The following PEX14 variants were observed in gnomAD, a reference collection of about 807,000 sequenced individuals.
PEX14 encodes peroxisomal biogenesis factor 14.
In PEX14, 15 loss-of-function variants were observed where a neutral mutation model predicts 49.5. The ratio of observed to expected loss-of-function variants is 0.30; its 90% CI spans 0.20 to 0.47. PEX14 has a LOEUF of 0.47. PEX14 is among the 20% of genes least tolerant of loss of function. PEX14 has a pLI of 1.00. For missense variants in PEX14, 398 were observed against 494.8 expected, an observed-to-expected ratio of 0.80 and a Z score of 1.86; for synonymous variants, 210 against 212.7, an observed-to-expected ratio of 0.99 and a Z score of 0.11.
At chr1:10,488,508 C>T (rs1182545257) in intron 1 of PEX14, among the ~76,000 whole-genome samples, 1 of 150,510 alleles carries the variant, frequency 6.6e-6, no homozygotes, top group Non-Finnish European at 1.5e-5. Flanking sequence ...ATTCTATTTT[C>T]TTTTTTTTTG....
intron 2 of PEX14, among the ~76,000 whole-genome samples, chr1:10,519,330 G>C (rs192098503): frequency 1.7e-4 from 26 of 152,264 alleles, no homozygotes; most frequent in African/African-American, 6.3e-4. Flanking sequence ...CCATAGCAGA[G>C]GGCAGGGAGT....
rs1222655184 is a variant in PEX14 at position 10,514,347 on chromosome 1, C to T, written c.84+19026C>T. On this transcript the variant is annotated intron_variant, in intron 2 of 8. Transcript: ENST00000356607. This position sits in a 1 kb window ranked among gnomAD's most constrained non-coding sequence, Gnocchi z 4.4. The stretch of plus-strand genomic sequence containing the variant: ...GTGTATGTGCGAGCGCCTGTGTACG[C>T]ACGTGGTCGTCACCCGCCAGAAAGA... Among the ~76,000 whole-genome samples, 1 of 152,112 alleles carries T rather than the reference C, an allele frequency of 6.6e-6. No homozygotes were observed. Among genetic ancestry groups the T allele is most frequent in the African/African-American group, 2.4e-5 (1 of 41,422 alleles).
intron 1 of PEX14, among the ~76,000 whole-genome samples, chr1:10,477,808 A>C (rs1570122205): frequency 6.6e-6 from 1 of 152,262 alleles, no homozygotes; most frequent in East Asian, 1.9e-4. Flanking sequence ...ATTTTTCTAG[A>C]CTTAATTTCT....
chr1:10,491,230 C>T (rs1190558179), intron 1 of PEX14, among the ~76,000 whole-genome samples: 1 of 151,474 alleles, frequency 6.6e-6, no homozygotes. Context: ...CAGGGTAGGC[C>T]ATGATTAAAA....
At chr1:10,604,732 C>A (rs1183349866) in intron 4 of PEX14, among the ~76,000 whole-genome samples, 1 of 152,178 alleles carries the variant, frequency 6.6e-6, no homozygotes, top group Non-Finnish European at 1.5e-5. Flanking sequence ...CAGCCAAAAG[C>A]ACAGTGATGT....
In PEX14 at chr1:10,481,129, T is replaced by C. The variant is rs201539643; in HGVS notation, c.36+6127T>C. On this transcript the variant is annotated intron_variant, in intron 1 of 8. Transcript: ENST00000356607. The stretch of plus-strand genomic sequence containing the variant: ...TTGTCTCTTTAGTCTTTTTTTTTTT[T>C]CCTTTCCTTCCTTTTTTTTTTTGTT... Among the ~76,000 whole-genome samples, 62 of 150,052 alleles carry C rather than the reference T, an allele frequency of 4.1e-4. No individual in the cohort carries two copies. In the East Asian group the frequency reaches 0.012, roughly 28 times the overall value.
rs371329619 is a variant in PEX14 at position 10,629,714 on chromosome 1, G to T, written c.861G>T (p.Thr287=). Residue 287 remains threonine (T), a synonymous_variant, in exon 9 of 9, where the codon ACG becomes ACT. Coordinates refer to ENST00000356607, the MANE Select transcript of PEX14 (RefSeq NM_004565.3). The surrounding 1 kb of genome is among the most constrained non-coding windows in gnomAD (Gnocchi z 8.5). ...AGGGCCACAGCCCCGAGGGCTCCAC[G>T]GTCACCTACCACTTGCTGGGCCCCC... ...GKEGHSPEGS[T]VTYHLLGPQE... is the part of the protein sequence containing the mutation. The T allele has an allele frequency of 5.6e-6, 9 of 1,607,390 alleles. No homozygotes were observed. Among genetic ancestry groups the T allele is most frequent in the African/African-American group, 2.7e-5 (2 of 74,658 alleles).
At chr1:10,527,691 C>T (rs180798874) in intron 2 of PEX14, among the ~76,000 whole-genome samples, 1 of 150,770 alleles carries the variant, frequency 6.6e-6, no homozygotes, top group Non-Finnish European at 1.5e-5. Context: ...TGTTTGTTTC[C>T]AAGACAGAGT....
chr1:10,505,466 T>TC (rs540685156), intron 2 of PEX14, among the ~76,000 whole-genome samples: 2 of 152,052 alleles, frequency 1.3e-5, no homozygotes, highest in Admixed American at 1.3e-4. Flanking sequence ...CAATCTTTTT[T>TC]CCCCCCCTTT....
chr1:10,495,309 T>C lies in PEX14; in HGVS notation c.72T>C (p.Pro24=). 6.2e-7 allele frequency: 1 copy of C among 1,613,796 alleles called. No individual in the cohort carries two copies. Among genetic ancestry groups the C allele is most frequent in the Non-Finnish European group, 8.5e-7 (1 of 1,179,748 alleles). Residue 24 remains proline, a synonymous_variant, in exon 2 of 9, where the codon CCT becomes CCC. Coordinates refer to ENST00000356607, the MANE Select transcript of PEX14 (RefSeq NM_004565.3). This position sits in a 1 kb window ranked among gnomAD's most constrained non-coding sequence, Gnocchi z 4.2. ...SSTPGSENVL[P]REPLIATAVK... ...CTCCAGGAAGTGAAAATGTGCTGCCTCGAGAGCCGCTGGTAAGTACCCAAG... is the reference window on the plus strand; with the variant it reads ...CTCCAGGAAGTGAAAATGTGCTGCCCCGAGAGCCGCTGGTAAGTACCCAAG...
intron 3 of PEX14, among the ~76,000 whole-genome samples, chr1:10,551,295 G>C (rs943747543): frequency 4.6e-5 from 7 of 152,144 alleles, no homozygotes; most frequent in Non-Finnish European, 1.0e-4. Context: ...TGTCCTTGCT[G>C]TCCATGTGGA....
intron 4 of PEX14, among the ~76,000 whole-genome samples, chr1:10,617,845 C>T (rs946592682): frequency 3.9e-5 from 6 of 152,196 alleles, no homozygotes; most frequent in African/African-American, 1.2e-4. Context: ...CCCCCGTGCC[C>T]CCACCCAGCG....
chr1:10,610,642 C>G (rs764223489), intron 4 of PEX14, among the ~76,000 whole-genome samples: 1 of 151,984 alleles, frequency 6.6e-6, no homozygotes, highest in African/African-American at 2.4e-5. Flanking sequence ...TGCGCTACCA[C>G]GCCTGGATAA....
intron 1 of PEX14, among the ~76,000 whole-genome samples, chr1:10,491,490 C>T (rs1159213431): frequency 6.6e-6 from 1 of 152,008 alleles, no homozygotes; most frequent in Non-Finnish European, 1.5e-5. Context: ...AAGCGAGCCT[C>T]CTGAGTAGCT....
At position 10,539,629 on chromosome 1, in the gene PEX14, C is replaced by T. The variant is rs1557834294; in HGVS notation, c.169+3332C>T. ...ATAGAAGCAGTTCTTGCCAGGCAGG[C>T]ATCATATCTGGGGCTTTAAGCAGGC... is the stretch of plus-strand genomic sequence containing the variant. On this transcript the variant is annotated intron_variant, in intron 3 of 8. Coordinates refer to ENST00000356607, the MANE Select transcript of PEX14 (RefSeq NM_004565.3). The surrounding 1 kb of genome is among the most constrained non-coding windows in gnomAD (Gnocchi z 4.6). Among the ~76,000 whole-genome samples, 1 of 152,132 alleles carries T rather than the reference C, an allele frequency of 6.6e-6. No individual in the cohort carries two copies. Among genetic ancestry groups the T allele is most frequent in the Non-Finnish European group, 1.5e-5 (1 of 68,036 alleles).
intron 1 of PEX14, among the ~76,000 whole-genome samples, chr1:10,484,362 G>A (rs1641332805): frequency 6.6e-6 from 1 of 151,462 alleles, no homozygotes; most frequent in African/African-American, 2.4e-5. Context: ...TAGTAGAGAT[G>A]GGGTTTCACT....
chr1:10,516,885 C>G (rs1188828642), intron 2 of PEX14: 1 of 152,250 alleles, frequency 6.6e-6, no homozygotes, highest in African/African-American at 2.4e-5. Context: ...TGCTCAGATT[C>G]TTCTCTAGAC....
intron 3 of PEX14, among the ~76,000 whole-genome samples, chr1:10,577,560 ATATTTTT>A (rs1640179600): frequency 4.5e-4 from 2 of 4,432 alleles, no homozygotes; most frequent in African/African-American, 1.0e-3. Context: ...ATATATATAT[ATATTTTT>A]TTTTTTTTTT....
intron 2 of PEX14, among the ~76,000 whole-genome samples, chr1:10,518,236 A>T (rs1642005205): frequency 6.6e-6 from 1 of 152,200 alleles, no homozygotes; most frequent in South Asian, 2.1e-4. Flanking sequence ...AGCATGGCTA[A>T]TTTGATATGT....
Sources: gnomAD v4.1 joint callset for allele counts (sites outside exome capture counted in the v4.1 genomes callset) on GRCh38, gnomAD v4.1.1 for gene constraint, Gnocchi (gnomAD v3.1) non-coding constraint, MANE v1.5 for transcripts, NCBI Gene and HGNC (gene_info 2026-07-23, HGNC 2026-07-21) for gene names.